QTMAN: variants seen among roughly 807,000 people sequenced by gnomAD.
QTMAN encodes tRNA-queuosine alpha-mannosyltransferase.
the QTMAN span, among the ~76,000 whole-genome samples, chr2:144,060,946 G>T: frequency 6.6e-6 from 1 of 151,596 alleles, no homozygotes; most frequent in Non-Finnish European, 1.5e-5. Context: ...CTAACTTTAG[G>T]TAAATCATTA....
chr2:144,084,299 C>A, the QTMAN span, among the ~76,000 whole-genome samples: 2 of 152,188 alleles, frequency 1.3e-5, no homozygotes, highest in Admixed American at 1.3e-4. Context: ...GCCATGTGAC[C>A]TTAAGCAAAT....
chr2:144,202,591 T>C, the QTMAN span, among the ~76,000 whole-genome samples: 39 of 152,182 alleles, frequency 2.6e-4, no homozygotes, highest in African/African-American at 8.7e-4. Context: ...GTCTTTTATA[T>C]AGCATATTTT....
the QTMAN span, among the ~76,000 whole-genome samples, chr2:144,048,254 T>C: frequency 1.3e-5 from 2 of 152,206 alleles, no homozygotes; most frequent in African/African-American, 2.4e-5. Context: ...CAGCAATTAA[T>C]ATACATGGAC....
the QTMAN span, among the ~76,000 whole-genome samples, chr2:143,962,104 G>A: frequency 6.6e-6 from 1 of 152,050 alleles, no homozygotes; most frequent in African/African-American, 2.4e-5. Context: ...CACCTACAAA[G>A]TGCCTTCCAG....
chr2:144,274,040 AG>A, the QTMAN span, among the ~76,000 whole-genome samples: 1 of 152,180 alleles, frequency 6.6e-6, no homozygotes, highest in Non-Finnish European at 1.5e-5. Flanking sequence ...AGGCTGAGGC[AG>A]GAGAATCGCT....
chr2:144,242,047 G>T, the QTMAN span, among the ~76,000 whole-genome samples: 1 of 152,004 alleles, frequency 6.6e-6, no homozygotes, highest in Non-Finnish European at 1.5e-5. Context: ...AGTTTGACTT[G>T]CTCTGAAACA....
the QTMAN span, among the ~76,000 whole-genome samples, chr2:144,204,042 C>T: frequency 9.9e-5 from 15 of 152,016 alleles, no homozygotes; most frequent in Middle Eastern, 3.4e-3. Context: ...CCATAAAAAC[C>T]CCAGAAGAAA....
the QTMAN span, among the ~76,000 whole-genome samples, chr2:144,250,125 T>G: frequency 1.8e-4 from 23 of 124,800 alleles, no homozygotes; most frequent in African/African-American, 3.8e-4. Context: ...GTTTTTGTGT[T>G]TTTTTTTTTT....
chr2:144,303,439 A>T, the QTMAN span, among the ~76,000 whole-genome samples: 2 of 152,194 alleles, frequency 1.3e-5, no homozygotes, highest in Non-Finnish European at 2.9e-5. Flanking sequence ...ATTGGCCTCA[A>T]TATGGACAAA....
At chr2:144,123,043 TTA>T in the QTMAN span, among the ~76,000 whole-genome samples, 1 of 151,826 alleles carries the variant, frequency 6.6e-6, no homozygotes, top group African/African-American at 2.4e-5. Flanking sequence ...AATAAATGAT[TTA>T]TATGTCTTTT....
the QTMAN span, among the ~76,000 whole-genome samples, chr2:144,245,472 C>CT: frequency 6.6e-6 from 1 of 152,130 alleles, no homozygotes; most frequent in Non-Finnish European, 1.5e-5. Flanking sequence ...ACTTTATCTA[C>CT]TTAAGAAAGA....
chr2:144,263,497 G>A, the QTMAN span, among the ~76,000 whole-genome samples: 3 of 152,110 alleles, frequency 2.0e-5, no homozygotes, highest in Non-Finnish European at 4.4e-5. Context: ...TCATGTGGGT[G>A]GATCACCTGA....
At chr2:144,126,629 AC>A in the QTMAN span, among the ~76,000 whole-genome samples, 3 of 152,028 alleles carry the variant, frequency 2.0e-5, no homozygotes, top group Non-Finnish European at 4.4e-5. Flanking sequence ...TCCCTCATCA[AC>A]TTTAAAACAA....
At chr2:144,002,069 C>T in the QTMAN span, among the ~76,000 whole-genome samples, 4,755 of 152,002 alleles carry the variant, frequency 0.031, 246 homozygotes, top group African/African-American at 0.11. Context: ...GACATAGGCC[C>T]TGATAGTGCA....
At chr2:143,963,092 C>T in the QTMAN span, among the ~76,000 whole-genome samples, 5 of 152,064 alleles carry the variant, frequency 3.3e-5, no homozygotes, top group Non-Finnish European at 2.9e-5. Context: ...TGTTTATTAG[C>T]TGTGTGACCT....
chr2:144,161,069 A>G, the QTMAN span, among the ~76,000 whole-genome samples: 1 of 152,170 alleles, frequency 6.6e-6, no homozygotes, highest in Non-Finnish European at 1.5e-5. Flanking sequence ...GTATGGCACG[A>G]AAGAAAAGGT....
At chr2:144,326,358 C>T in the QTMAN span, among the ~76,000 whole-genome samples, 748 of 152,064 alleles carry the variant, frequency 4.9e-3, 1 homozygote, top group Non-Finnish European at 6.8e-3. Flanking sequence ...GAGGGTGAGG[C>T]GGGCGGATCA....
chr2:144,082,903 C>CACACACAT, the QTMAN span, among the ~76,000 whole-genome samples: 1 of 152,242 alleles, frequency 6.6e-6, no homozygotes, highest in East Asian at 1.9e-4. Flanking sequence ...CACACACACA[C>CACACACAT]ACACACATGC....
chr2:143,990,451 T>C, the QTMAN span, among the ~76,000 whole-genome samples: 4 of 152,062 alleles, frequency 2.6e-5, no homozygotes, highest in African/African-American at 9.7e-5. Context: ...AAGAGAAAAT[T>C]AGAAGGCTAT....
Sources: allele counts gnomAD v4.1 joint callset (sites outside exome capture counted in the v4.1 genomes callset), GRCh38; gene constraint gnomAD v4.1.1; transcripts MANE v1.5; gene names NCBI Gene and HGNC (gene_info 2026-07-23, HGNC 2026-07-21).